XKR5: variants seen among roughly 807,000 people sequenced by gnomAD.
The protein encoded by XKR5 is XK related 5.
XKR5 carries 46 observed loss-of-function variants against 40.8 expected under a neutral mutation model. The ratio of observed to expected loss-of-function variants is 1.13; its 90% CI spans 0.89 to 1.44. The LOEUF (loss-of-function observed/expected upper bound fraction) is 1.44, where lower values mean the gene tolerates loss of function less well. Among genes scored for constraint, XKR5 ranks in the 40% most tolerant of loss-of-function variants. XKR5 has a pLI of 0.00. For missense variants in XKR5, 1,169 were observed against 844.7 expected (o/e 1.38, Z -4.76); for synonymous variants, 466 against 356.1 (o/e 1.31, Z -3.48).
At chr8:6,815,112 C>T (rs750550998) in intron 6 of XKR5, among the ~76,000 whole-genome samples, 10 of 152,306 alleles carry the variant, frequency 6.6e-5, no homozygotes, top group Non-Finnish European at 1.0e-4. Context: ...ACGGTCCCAC[C>T]GCAGGCCTGA....
rs974285262 is a variant in XKR5, at chr8:6,835,463, G to A, written c.31C>T (p.Leu11=). 1.3e-5 allele frequency: 19 copies of A among 1,501,696 alleles called. No homozygotes were observed. The highest frequency in any genetic ancestry group is 1.6e-5 in the Non-Finnish European group (18 of 1,132,818). 93.0% of individuals were successfully genotyped at this position (1,501,696 alleles called of 1,614,324 possible). A position where few individuals can be genotyped will look rare whatever the true frequency, so the allele number is the denominator to read the frequency against. Residue 11 remains leucine (L), a synonymous_variant, in exon 1 of 7, where the codon CTG becomes TTG. Coordinates refer to ENST00000618742, the MANE Select transcript of XKR5 (RefSeq NM_207411.5). The part of the protein sequence containing the change: MHARLLGLSA[L]LQAAEQSARL... ...GCGCTCTGCTCGGCCGCCTGCAGCAGGGCCGAGAGCCCCAGGAGCCTCGCG... is the reference window on the plus strand; with the variant it reads ...GCGCTCTGCTCGGCCGCCTGCAGCAAGGCCGAGAGCCCCAGGAGCCTCGCG...
intron 2 of XKR5, among the ~76,000 whole-genome samples, chr8:6,826,040 G>A (rs1012101814): frequency 6.6e-6 from 1 of 152,172 alleles, no homozygotes; most frequent in Non-Finnish European, 1.5e-5. Context: ...TGTACTGTCT[G>A]GGGTATGAGA....
chr8:6,833,715 TCAAAA>T (rs138727806), intron 1 of XKR5, among the ~76,000 whole-genome samples: 1,821 of 152,030 alleles, frequency 0.012, 46 homozygotes, highest in African/African-American at 0.042. Context: ...GACTCTTGTC[TCAAAA>T]CAAAACAAAA....
At chr8:6,830,712 T>G (rs949994642) in intron 2 of XKR5, among the ~76,000 whole-genome samples, 1 of 152,272 alleles carries the variant, frequency 6.6e-6, no homozygotes, top group African/African-American at 2.4e-5. Flanking sequence ...ATATGACTAA[T>G]GGTTTTTCCT....
rs781064714 is a variant in XKR5 at position 6,815,922 on chromosome 8, C to A, written c.808-4G>T. The A allele has an allele frequency of 6.3e-7, 1 of 1,589,980 alleles. No individual in the cohort carries two copies. Among genetic ancestry groups the A allele is most frequent in the Non-Finnish European group, 8.6e-7 (1 of 1,167,668 alleles). ...TGATGTTCTCCAACAGCATGACCTG[C>A]GGGACCCAGGACAGAGGCACCACAC... On this transcript the variant is annotated splice_polypyrimidine_tract_variant and splice_region_variant and intron_variant, in intron 5 of 6. Transcript: ENST00000618742.
chr8:6,834,552 C>T (rs1006012784), intron 1 of XKR5, among the ~76,000 whole-genome samples: 1 of 152,244 alleles, frequency 6.6e-6, no homozygotes, highest in African/African-American at 2.4e-5. Context: ...GGGCGCGGAG[C>T]CAGGGCGCTT....
chr8:6,817,127 C>T (rs1159892804), intron 5 of XKR5, among the ~76,000 whole-genome samples: 2 of 152,112 alleles, frequency 1.3e-5, no homozygotes, highest in Admixed American at 1.3e-4. Flanking sequence ...TGGTTCTGGC[C>T]CCATGCCTCC....
At chr8:6,831,216 G>A (rs984692275) in intron 2 of XKR5, among the ~76,000 whole-genome samples, 1 of 152,188 alleles carries the variant, frequency 6.6e-6, no homozygotes, top group South Asian at 2.1e-4. Flanking sequence ...GACAATGGCA[G>A]CTAGGGCACA....
Position 6,810,360 on chromosome 8 carries a change from TGG to T in XKR5, c.*836_*837del, listed in dbSNP as rs1183036141. On this transcript the variant is annotated 3_prime_UTR_variant, in exon 7 of 7. Transcript: ENST00000618742. ...CTTCTTTTTGGATGGGCTTAAATCA[TGG>T]ATAGTGTCTCACATTGAATGGAAGT... is the stretch of plus-strand genomic sequence containing the variant. The T allele has an allele frequency of 6.6e-6, 1 of 152,176 alleles. No homozygotes were observed. Among genetic ancestry groups the T allele is most frequent in the African/African-American group, 2.4e-5 (1 of 41,396 alleles). 9.4% of individuals were successfully genotyped at this position (152,176 alleles called of 1,614,324 possible).
At chr8:6,830,866 G>A (rs913202698) in intron 2 of XKR5, among the ~76,000 whole-genome samples, 3 of 152,090 alleles carry the variant, frequency 2.0e-5, no homozygotes, top group Non-Finnish European at 2.9e-5. Context: ...AGACAGTGTG[G>A]GGTCCACTGT....
rs374151237 is a variant in XKR5 at position 6,820,774 on chromosome 8, A to G, written c.807+1095T>C. Among the ~76,000 whole-genome samples the G allele has an allele frequency of 1.5e-4, 23 of 152,300 alleles. No homozygotes were observed. The East Asian group carries it at 1.7e-3, about 12-fold the overall frequency. Reference sequence around the variant, plus strand: ...AGTCCTGTGAGCTCTGCCTGGCTCTATAGCCTGTGGGGTCACTGTGCTATA... The same window carrying G: ...AGTCCTGTGAGCTCTGCCTGGCTCTGTAGCCTGTGGGGTCACTGTGCTATA... On this transcript the variant is annotated intron_variant, in intron 5 of 6. Transcript: ENST00000618742.
chr8:6,812,162 C>A lies in XKR5; in HGVS notation c.1097G>T (p.Gly366Val). 6.4e-7 allele frequency: 1 copy of A among 1,551,642 alleles called. No individual in the cohort carries two copies. Among genetic ancestry groups the A allele is most frequent in the Non-Finnish European group, 8.7e-7 (1 of 1,147,000 alleles). ...TAAAATGGTTGGTTCATAACTTGCCCCTTGGCATGAGCCTGAGCTCTCGGT... is the reference window on the plus strand; with the variant it reads ...TAAAATGGTTGGTTCATAACTTGCCACTTGGCATGAGCCTGAGCTCTCGGT... The part of the protein sequence containing the change: ...KRTESSGSCQ[G>V]ASYEPTILGK... The change falls in exon 7 of 7, where the codon GGG becomes GTG. Residue 366 changes from glycine to valine, a missense_variant. Transcript: ENST00000618742.
chr8:6,829,809 G>T (rs953860997), intron 2 of XKR5, among the ~76,000 whole-genome samples: 1 of 142,448 alleles, frequency 7.0e-6, no homozygotes, highest in Non-Finnish European at 1.5e-5. Flanking sequence ...GAGCCGTCAC[G>T]CCAGGCCAAA....
rs2117123205 is a variant in XKR5, at chr8:6,832,704, C to T, written c.242+13G>A. ...AATTGTGCTCCAGAGGTGAAAGAGG[C>T]AGCTGTTCTTACCGCTTCCAAACAC... On this transcript the variant is annotated intron_variant, in intron 2 of 6. Transcript: ENST00000618742. The T allele has an allele frequency of 1.2e-6, 2 of 1,612,474 alleles. No homozygotes were observed. The highest frequency in any genetic ancestry group is 1.1e-5 in the South Asian group (1 of 90,640).
chr8:6,826,879 G>C (rs1310348811), intron 2 of XKR5, among the ~76,000 whole-genome samples: 1 of 152,156 alleles, frequency 6.6e-6, no homozygotes, highest in Non-Finnish European at 1.5e-5. Flanking sequence ...TACAGGATGG[G>C]GTGGCCCAGG....
At chr8:6,818,479 A>G (rs1011644852) in intron 5 of XKR5, among the ~76,000 whole-genome samples, 2 of 152,266 alleles carry the variant, frequency 1.3e-5, no homozygotes, top group Non-Finnish European at 2.9e-5. Context: ...TCAGCACAGG[A>G]GGAAGCTCAA....
At position 6,808,536 on chromosome 8, in the gene XKR5, T is replaced by C. The variant is rs1445456657; in HGVS notation, c.*2662A>G. ...CAGGCATTTTTGAATTAAGTGTCCA[T>C]TTATTAGTCTTCTCTAATAAATATA... On this transcript the variant is annotated 3_prime_UTR_variant, in exon 7 of 7. Coordinates refer to ENST00000618742, the MANE Select transcript of XKR5 (RefSeq NM_207411.5). 2 of 152,244 alleles carry C rather than the reference T, an allele frequency of 1.3e-5. No homozygotes were observed. The highest frequency in any genetic ancestry group is 2.9e-5 in the Non-Finnish European group (2 of 68,046). 9.4% of individuals were successfully genotyped at this position (152,244 alleles called of 1,614,324 possible).
rs766723049 is a variant in XKR5, at chr8:6,811,707, C to T, written c.1552G>A (p.Ala518Thr). The T allele has an allele frequency of 1.7e-5, 26 of 1,537,540 alleles. No homozygotes were observed. The highest frequency in any genetic ancestry group is 5.5e-5 in the African/African-American group (4 of 73,060). The part of the protein sequence containing the change: ...GEGTPKEGAD[A>T]VSGTQGKGTG... ...CCCTTCCCCTGTGTCCCAGAAACAG[C>T]GTCAGCTCCTTCCTTTGGGGTGCCC... The change falls in exon 7 of 7, where the codon GCT (alanine) becomes ACT (threonine). Residue 518 changes from alanine (A) to threonine (T), a missense_variant. Coordinates refer to ENST00000618742, the MANE Select transcript of XKR5 (RefSeq NM_207411.5).
In XKR5 at chr8:6,808,524, A is replaced by G. The variant is rs1380230748; in HGVS notation, c.*2674T>C. ...ATAGGTGCTCAGCAGGCATTTTTGA[A>G]TTAAGTGTCCATTTATTAGTCTTCT... On this transcript the variant is annotated 3_prime_UTR_variant, in exon 7 of 7. Coordinates refer to ENST00000618742, the MANE Select transcript of XKR5 (RefSeq NM_207411.5). 1 of 152,068 alleles carries G rather than the reference A, an allele frequency of 6.6e-6. No homozygotes were observed. Among genetic ancestry groups the G allele is most frequent in the Non-Finnish European group, 1.5e-5 (1 of 68,002 alleles). The allele number at this position is 152,068 out of a possible 1,614,324, so 9.4% of individuals were successfully genotyped here.
Sources: gnomAD v4.1 joint callset for allele counts (sites outside exome capture counted in the v4.1 genomes callset) on GRCh38, gnomAD v4.1.1 for gene constraint, MANE v1.5 for transcripts, NCBI Gene and HGNC (gene_info 2026-07-23, HGNC 2026-07-21) for gene names.